ZNF217: variants seen among roughly 807,000 people sequenced by gnomAD.
ZNF217 encodes zinc finger protein 217.
In ZNF217, 12 loss-of-function variants were observed where a neutral mutation model predicts 73.3. That is an observed-to-expected ratio of 0.16 (90% confidence interval 0.10 to 0.27). The LOEUF (loss-of-function observed/expected upper bound fraction) is 0.27. ZNF217 is among the 10% of genes least tolerant of loss of function. The probability of loss-of-function intolerance (pLI) is 1.00; values close to 1 mark genes in which losing one functional copy is unlikely to be tolerated. For missense variants in ZNF217, 1,195 were observed against 1,327.8 expected, an observed-to-expected ratio of 0.90 and a Z score of 1.55; for synonymous variants, 588 against 516.4, an observed-to-expected ratio of 1.14 and a Z score of -1.88.
At chr20:53,573,832 A>C (rs567173072) in intron 4 of ZNF217, among the ~76,000 whole-genome samples, 1 of 152,300 alleles carries the variant, frequency 6.6e-6, no homozygotes, top group African/African-American at 2.4e-5. Context: ...GCGCTTTGTG[A>C]GGCCAAGACA....
intron 4 of ZNF217, among the ~76,000 whole-genome samples, chr20:53,574,085 C>A (rs1988136060): frequency 6.8e-6 from 1 of 146,708 alleles, no homozygotes; most frequent in South Asian, 2.1e-4. Flanking sequence ...AAAAAAAAAT[C>A]ATCTCTTCGT....
chr20:53,593,877 G>A (rs1291582756), upstream of ZNF217: 2 of 150,050 alleles, frequency 1.3e-5, no homozygotes, highest in South Asian at 2.1e-4. Context: ...GGCGGGGAGG[G>A]CGGAGGGAGG....
rs756695641 is a variant in ZNF217 at position 53,581,812 on chromosome 20, C to G, written c.1015G>C (p.Gly339Arg). The change falls in exon 2 of 6, where the codon GGC (glycine) becomes CGC (arginine). Residue 339 changes from glycine (G) to arginine (R), a missense_variant. By Grantham distance (125) the Gly-to-Arg change is moderately radical. Around this residue, in one of 9 missense-constraint regions of ZNF217, gnomAD observed 102 missense variants for 91.9 expected, o/e 1.11. Coordinates refer to ENST00000371471, the MANE Select transcript of ZNF217 (RefSeq NM_006526.3). This position sits in a 1 kb window ranked among gnomAD's most constrained non-coding sequence, Gnocchi z 4.9. Reference protein sequence around the residue: ...SEKELGETNKGSCAGLSQEKE... With the variant: ...SEKELGETNKRSCAGLSQEKE... ...TCTTGCGAGAGGCCTGCACAACTGC[C>G]CTTATTTGTTTCTCCAAGCTCCTTC... 6.2e-7 allele frequency: 1 copy of G among 1,614,088 alleles called. No homozygotes were observed. The highest frequency in any genetic ancestry group is 8.5e-7 in the Non-Finnish European group (1 of 1,180,046).
intron 4 of ZNF217, among the ~76,000 whole-genome samples, chr20:53,572,307 A>G (rs1264551712): frequency 6.6e-6 from 1 of 152,090 alleles, no homozygotes; most frequent in African/African-American, 2.4e-5. Context: ...CGGGAGGCTG[A>G]GACGGAAGGA....
In ZNF217 at chr20:53,581,310, CAG is replaced by C. The variant is rs1988471942; in HGVS notation, c.1366+149_1366+150del. On this transcript the variant is annotated intron_variant, in intron 2 of 5. Transcript: ENST00000371471. This position sits in a 1 kb window ranked among gnomAD's most constrained non-coding sequence, Gnocchi z 4.9. ...GCCCTGAGAGGTTAAATGACTTACA[CAG>C]AGTGATACCAAAAAGAGCCTGGACT... 3 of 1,089,992 alleles carry C rather than the reference CAG, an allele frequency of 2.8e-6. No homozygotes were observed. The South Asian group carries it at 5.1e-5, about 18-fold the overall frequency. 67.5% of individuals were successfully genotyped at this position (1,089,992 alleles called of 1,614,324 possible).
chr20:53,592,317 C>A lies in ZNF217; in HGVS notation c.-343+1439G>T, dbSNP rs528330766. 4.6e-5 allele frequency among the ~76,000 whole-genome samples: 7 copies of A among 152,180 alleles called. No homozygotes were observed. The South Asian group carries it at 1.5e-3, about 32-fold the overall frequency. ...ACTGATTCAGGAAGATAAACTGAGG[C>A]TCAAGGAATTTCGAGGTAGAACAAT... On this transcript the variant is annotated intron_variant, in intron 1 of 5. Coordinates refer to ENST00000371471, the MANE Select transcript of ZNF217 (RefSeq NM_006526.3).
At chr20:53,590,107 TTC>T (rs1205083536) in intron 1 of ZNF217, among the ~76,000 whole-genome samples, 12 of 152,230 alleles carry the variant, frequency 7.9e-5, no homozygotes, top group Admixed American at 1.3e-4. Flanking sequence ...CTAAAAACTA[TTC>T]TGTTTTTAGA....
intron 4 of ZNF217, chr20:53,574,820 G>GA (rs34510533): frequency 0.19 from 26,326 of 140,988 alleles, 2,891 homozygotes; most frequent in African/African-American, 0.27. Flanking sequence ...AAGAAAGAAA[G>GA]AAAAAAAAAA....
chr20:53,573,714 C>T (rs1479300010), intron 4 of ZNF217, among the ~76,000 whole-genome samples: 2 of 152,156 alleles, frequency 1.3e-5, no homozygotes, highest in Non-Finnish European at 2.9e-5. Flanking sequence ...CCGCTTCAGC[C>T]TCCCAAAGTA....
chr20:53,586,394 T>C (rs1029412299), intron 1 of ZNF217, among the ~76,000 whole-genome samples: 2 of 151,788 alleles, frequency 1.3e-5, no homozygotes, highest in African/African-American at 4.8e-5. Context: ...ACTTCAAGAG[T>C]ACAATTTCAA....
chr20:53,577,464 T>C (rs1988326657), intron 3 of ZNF217, among the ~76,000 whole-genome samples, 184 bp from the exon 4 acceptor site: 1 of 152,378 alleles, frequency 6.6e-6, no homozygotes, highest in Non-Finnish European at 1.5e-5. Flanking sequence ...TATGAATGCC[T>C]ATCTTCAATA....
chr20:53,590,324 G>A (rs6126878), intron 1 of ZNF217, among the ~76,000 whole-genome samples: 9,965 of 152,100 alleles, frequency 0.066, 511 homozygotes, highest in East Asian at 0.15. Flanking sequence ...GGGAAATTAG[G>A]AAGGAACGAT....
At chr20:53,580,205 A>C (rs1392952681) in intron 2 of ZNF217, among the ~76,000 whole-genome samples, 1 of 152,218 alleles carries the variant, frequency 6.6e-6, no homozygotes, top group Non-Finnish European at 1.5e-5. Context: ...CGTCAATCAC[A>C]TGATCAGAAA....
chr20:53,593,175 G>A lies in ZNF217; in HGVS notation c.-343+581C>T, dbSNP rs569450103. Among the ~76,000 whole-genome samples the A allele has an allele frequency of 7.2e-3, 1,096 of 152,096 alleles. 18 individuals are homozygous for A. Among genetic ancestry groups the A allele is most frequent in the African/African-American group, 0.025 (1,043 of 41,506 alleles). ...CACGGGGCGCGCGTCGGGGTCCGCG[G>A]CGAGGCCCAGCCCCTCCCGCGGTCC... On this transcript the variant is annotated intron_variant, in intron 1 of 5. Coordinates refer to ENST00000371471, the MANE Select transcript of ZNF217 (RefSeq NM_006526.3).
chr20:53,567,425 T>G lies in ZNF217; in HGVS notation c.*1863A>C, dbSNP rs1278739506. 1 of 152,586 alleles carries G rather than the reference T, an allele frequency of 6.6e-6. No individual in the cohort carries two copies. The highest frequency in any genetic ancestry group is 1.5e-5 in the Non-Finnish European group (1 of 68,032). The allele number at this position is 152,586 out of a possible 1,614,324, so 9.5% of individuals were successfully genotyped here. A position where few individuals can be genotyped will look rare whatever the true frequency, so the allele number is the denominator to read the frequency against. On this transcript the variant is annotated 3_prime_UTR_variant, in exon 6 of 6. Transcript: ENST00000371471. ...AGAGAAATCTGAAAGCCCAAAAAAT[T>G]CCAGCATAATACAAATCGACTTGTT...
At chr20:53,579,757 G>A (rs1217950479) in intron 2 of ZNF217, among the ~76,000 whole-genome samples, 1 of 152,206 alleles carries the variant, frequency 6.6e-6, no homozygotes, top group Non-Finnish European at 1.5e-5. Context: ...ATAGGCTGTT[G>A]AAATTGTCCT....
In ZNF217 at chr20:53,576,436, G is replaced by A. The variant is rs936872127; in HGVS notation, c.2328C>T (p.Pro776=). The change falls in exon 4 of 6, where the codon CCC becomes CCT. Residue 776 remains proline, a synonymous_variant. Transcript: ENST00000371471. ...TGGACTGCGCCGGGAAAGCAGACTT[G>A]GGCTTGGGTTTACAGAAACTAGAGA... is the stretch of plus-strand genomic sequence containing the variant. ...PPLSSFCKPK[P]KSAFPAQSKS... The A allele has an allele frequency of 2.5e-6, 4 of 1,614,176 alleles. No homozygotes were observed. The highest frequency in any genetic ancestry group is 3.4e-6 in the Non-Finnish European group (4 of 1,179,970).
rs1453962476 is a variant in ZNF217 at position 53,578,268 on chromosome 20, C to CA, written c.1483+65dup. 8.8e-6 allele frequency: 10 copies of CA among 1,139,456 alleles called. No homozygotes were observed. The African/African-American group carries it at 1.1e-4, about 13-fold the overall frequency. The allele number at this position is 1,139,456 out of a possible 1,614,324, so 70.6% of individuals were successfully genotyped here. ...ATCTGGCAGAGTATCTGAACAACAA[C>CA]AACAAAAAAATTAGATAACTACATA... On this transcript the variant is annotated intron_variant, in intron 3 of 5. Transcript: ENST00000371471.
At chr20:53,573,125 A>ATT (rs58075044) in intron 4 of ZNF217, among the ~76,000 whole-genome samples, 6 of 141,214 alleles carry the variant, frequency 4.2e-5, no homozygotes, top group East Asian at 2.1e-4. Flanking sequence ...CTGTAGTACT[A>ATT]TTTTTTTTTT....
Sources: gnomAD v4.1 joint callset for allele counts (sites outside exome capture counted in the v4.1 genomes callset) on GRCh38, gnomAD v4.1.1 for gene constraint, gnomAD v4.1.1 regional missense constraint, Gnocchi (gnomAD v3.1) non-coding constraint, MANE v1.5 for transcripts, NCBI Gene and HGNC (gene_info 2026-07-23, HGNC 2026-07-21) for gene names.